The following METTL15 variants were observed in gnomAD, a reference collection of about 807,000 sequenced individuals.
The protein encoded by METTL15 is methyltransferase 15, mitochondrial 12S rRNA N4-cytidine, also known as 12S rRNA N(4)-cytidine methyltransferase METTL15.
Under a neutral mutation model 38.3 loss-of-function variants are expected in METTL15, and 34 were observed. That is an observed-to-expected ratio of 0.89 (90% CI 0.68 to 1.18). The LOEUF is 1.18. METTL15 is among the 50% of genes most tolerant of loss of function. The probability of loss-of-function intolerance (pLI) is 0.00; values close to 1 mark genes in which losing one functional copy is unlikely to be tolerated. For missense variants in METTL15, 438 were observed against 498.4 expected (o/e 0.88, Z 1.15); for synonymous variants, 162 against 170.9 (o/e 0.95, Z 0.41).
chr11:28,208,783 T>C (rs1286616628), intron 3 of METTL15, among the ~76,000 whole-genome samples: 1 of 152,014 alleles, frequency 6.6e-6, no homozygotes, highest in Non-Finnish European at 1.5e-5. Context: ...TGTGGTCTTA[T>C]GTTAGTGACC....
intron 3 of METTL15, among the ~76,000 whole-genome samples, chr11:28,137,131 TAGC>T (rs1849540974): frequency 6.6e-6 from 1 of 152,230 alleles, no homozygotes. Flanking sequence ...TTCTGTTAAG[TAGC>T]AGATCAGTGT....
At chr11:28,531,672 G>A (rs1247583195), downstream of METTL15, among the ~76,000 whole-genome samples, 3 of 151,950 alleles carry the variant, frequency 2.0e-5, no homozygotes, top group Non-Finnish European at 4.4e-5. Flanking sequence ...ATGACATATT[G>A]TGAACACTTG....
intron 3 of METTL15, among the ~76,000 whole-genome samples, chr11:28,174,814 CA>C (rs66770075): frequency 1.2e-3 from 105 of 91,262 alleles, no homozygotes; most frequent in African/African-American, 3.4e-3. Flanking sequence ...GATTCTGTCT[CA>C]AAAAAAAAAA....
chr11:28,496,703 CTA>C (rs891617531), intron 6 of METTL15, among the ~76,000 whole-genome samples: 34 of 152,184 alleles, frequency 2.2e-4, no homozygotes, highest in African/African-American at 8.2e-4. Context: ...CCAATAGACT[CTA>C]TGTGTGCCAG....
At chr11:28,192,662 C>T (rs1401350303) in intron 3 of METTL15, among the ~76,000 whole-genome samples, 1 of 152,006 alleles carries the variant, frequency 6.6e-6, no homozygotes, top group Non-Finnish European at 1.5e-5. Flanking sequence ...TGGAACTGGA[C>T]TTTCCTTTAT....
chr11:28,134,319 A>G (rs1191590104), intron 3 of METTL15, among the ~76,000 whole-genome samples: 1 of 152,152 alleles, frequency 6.6e-6, no homozygotes, highest in African/African-American at 2.4e-5. Context: ...TTTTACATAT[A>G]TACCAATGGT....
At chr11:28,395,335 AT>A (rs1052644475) in intron 5 of METTL15, among the ~76,000 whole-genome samples, 1 of 152,104 alleles carries the variant, frequency 6.6e-6, no homozygotes, top group African/African-American at 2.4e-5. Flanking sequence ...TGGCAAGATA[AT>A]TAATACTGTG....
In METTL15 at chr11:28,466,075, G is replaced by C. The variant is rs754614366; in HGVS notation, c.*424+41711G>C. Among the ~76,000 whole-genome samples the C allele has an allele frequency of 3.1e-4, 47 of 152,126 alleles. 1 individual carries two copies. Among genetic ancestry groups the C allele is most frequent in the Non-Finnish European group, 4.4e-5 (3 of 68,032 alleles). On this transcript the variant is annotated intron_variant and NMD_transcript_variant, in intron 6 of 7. Transcript: ENST00000532947. ...GAGCTATCTTCAATTGAAGTCGGGG[G>C]GATCTTAAGGAACTCAAGAATATGA...
At chr11:28,358,751 A>T (rs953841298) in intron 4 of METTL15, among the ~76,000 whole-genome samples, 5 of 152,194 alleles carry the variant, frequency 3.3e-5, no homozygotes, top group Non-Finnish European at 7.3e-5. Context: ...ATGGAATCTC[A>T]CACAGTAAAG....
downstream of METTL15, among the ~76,000 whole-genome samples, chr11:28,334,047 T>G (rs1849877715): frequency 1.3e-5 from 2 of 151,884 alleles, no homozygotes; most frequent in African/African-American, 4.8e-5. Flanking sequence ...ATTCAAAAAG[T>G]ATGAGACAGT....
At position 28,211,074 on chromosome 11, in the gene METTL15, A is replaced by G. The variant is rs767000222; in HGVS notation, c.283A>G (p.Met95Val). The G allele has an allele frequency of 5.6e-6, 9 of 1,608,596 alleles. No individual in the cohort carries two copies. In the Admixed American group the frequency reaches 8.4e-5, roughly 15 times the overall value. ...SPQKGQIFLD[M>V]TFGSGGHTKA... ...CTGTGTTTGCTAGATTTTTCTAGAT[A>G]TGACATTTGGTTCGGGAGGGCACAC... Residue 95 changes from methionine (M) to valine (V), a missense_variant, in exon 4 of 7, where the codon ATG (methionine) becomes GTG (valine). Transcript: ENST00000407364.
rs550852263 is a variant in METTL15 at position 28,112,106 on chromosome 11, T to G, written c.-17-1212T>G. On this transcript the variant is annotated intron_variant, in intron 2 of 6. Transcript: ENST00000407364. ...TTTCTTTGTGTTTTATTACGTGTGA[T>G]CAGCTTTTCAACGTTTTTAATTTTT... Among the ~76,000 whole-genome samples, 176 of 152,346 alleles carry G rather than the reference T, an allele frequency of 1.2e-3. 2 individuals are homozygous for G. Among genetic ancestry groups the G allele is most frequent in the Non-Finnish European group, 2.1e-3 (140 of 68,030 alleles).
chr11:28,436,862 G>C (rs760668525), intron 6 of METTL15, among the ~76,000 whole-genome samples: 2 of 152,146 alleles, frequency 1.3e-5, no homozygotes, highest in Non-Finnish European at 2.9e-5. Context: ...GGGATGTTGT[G>C]AAAGGAGAAT....
chr11:28,430,512 C>T (rs1400109239), intron 6 of METTL15, among the ~76,000 whole-genome samples: 3 of 32,088 alleles, frequency 9.3e-5, no homozygotes, highest in African/African-American at 2.4e-4. Context: ...GGGGGTCAGC[C>T]CCCCACCCGG....
intron 6 of METTL15, among the ~76,000 whole-genome samples, chr11:28,478,499 T>G (rs1851366399): frequency 6.6e-6 from 1 of 152,234 alleles, no homozygotes; most frequent in South Asian, 2.1e-4. Context: ...CTGTATTGTT[T>G]GTATCTACTA....
chr11:28,252,915 A>G (rs1434254331), intron 4 of METTL15, among the ~76,000 whole-genome samples: 1 of 152,060 alleles, frequency 6.6e-6, no homozygotes, highest in Non-Finnish European at 1.5e-5. Context: ...TTTTCCTTCT[A>G]GCTACAATGT....
At chr11:28,391,293 T>C (rs1850503771) in intron 5 of METTL15, among the ~76,000 whole-genome samples, 1 of 152,104 alleles carries the variant, frequency 6.6e-6, no homozygotes, top group African/African-American at 2.4e-5. Context: ...AGAGAGGGCA[T>C]CCGTGTCTTG....
intron 5 of METTL15, among the ~76,000 whole-genome samples, chr11:28,404,636 G>A (rs918833708): frequency 6.6e-6 from 1 of 152,056 alleles, no homozygotes; most frequent in Admixed American, 6.6e-5. Context: ...ATTTTGAGGG[G>A]ACACAAATAT....
chr11:28,186,280 A>T (rs933779329), intron 3 of METTL15, among the ~76,000 whole-genome samples: 1 of 151,304 alleles, frequency 6.6e-6, no homozygotes, highest in East Asian at 1.9e-4. Flanking sequence ...GAATGAGAGA[A>T]TATTATAAGA....
Sources: allele counts gnomAD v4.1 joint callset (sites outside exome capture counted in the v4.1 genomes callset), GRCh38; gene constraint gnomAD v4.1.1; transcripts MANE v1.5; gene names NCBI Gene and HGNC (gene_info 2026-07-23, HGNC 2026-07-21).